CALN1: variants seen among roughly 807,000 people sequenced by gnomAD.
CALN1 encodes calcium-binding protein 8.
A neutral mutation model predicts 30.6 loss-of-function variants in CALN1; 17 were observed. That is an observed-to-expected ratio of 0.56 (90% confidence interval 0.38 to 0.83). CALN1 has a LOEUF of 0.83. Among genes scored for constraint, CALN1 ranks in the 40% least tolerant of loss-of-function variants. The pLI is 0.00. For missense variants in CALN1, 291 were observed against 354.9 expected (o/e 0.82, Z 1.45); for synonymous variants, 156 against 131.4 (o/e 1.19, Z -1.28).
intron 3 of CALN1, among the ~76,000 whole-genome samples, chr7:72,188,960 C>A (rs1415350685): frequency 6.6e-6 from 1 of 152,126 alleles, no homozygotes; most frequent in Non-Finnish European, 1.5e-5. Flanking sequence ...CTAAGAGGGA[C>A]TAAGCCTTCC....
At chr7:72,257,143 A>G (rs1378963331) in intron 3 of CALN1, among the ~76,000 whole-genome samples, 2 of 152,218 alleles carry the variant, frequency 1.3e-5, no homozygotes, top group Admixed American at 1.3e-4. Flanking sequence ...GAGCGTGCAC[A>G]GGGGAAACTG....
the CALN1 span, among the ~76,000 whole-genome samples, chr7:72,456,401 G>C: frequency 6.6e-6 from 1 of 152,054 alleles, no homozygotes; most frequent in Non-Finnish European, 1.5e-5. Context: ...AGCCAAGAAT[G>C]GTGGTACACG....
chr7:72,352,678 A>C (rs1802996238), intron 2 of CALN1, among the ~76,000 whole-genome samples: 1 of 152,160 alleles, frequency 6.6e-6, no homozygotes, highest in African/African-American at 2.4e-5. Context: ...TAAAATGTTT[A>C]CTTTACAAAA....
intron 3 of CALN1, among the ~76,000 whole-genome samples, chr7:72,150,872 T>TATGATGATGATGATGATGATG (rs139046404): frequency 7.5e-4 from 113 of 150,530 alleles, no homozygotes; most frequent in Non-Finnish European, 9.0e-4. Context: ...GCTGTGATGA[T>TATGATGATGATGATGATGATG]ATGATGATGA....
At chr7:72,346,432 T>C (rs1585551006) in intron 2 of CALN1, among the ~76,000 whole-genome samples, 1 of 152,192 alleles carries the variant, frequency 6.6e-6, no homozygotes, top group African/African-American at 2.4e-5. Flanking sequence ...TACTCTTACT[T>C]GTTTCTCCAA....
chr7:72,408,207 T>A (rs1585685160), intron 1 of CALN1, among the ~76,000 whole-genome samples: 1 of 138,966 alleles, frequency 7.2e-6, no homozygotes, highest in Non-Finnish European at 1.5e-5. Flanking sequence ...CCAAGGGGGG[T>A]GGATCACCCA....
chr7:72,455,436 A>G, the CALN1 span, among the ~76,000 whole-genome samples: 1 of 151,412 alleles, frequency 6.6e-6, no homozygotes, highest in Admixed American at 6.6e-5. Context: ...TTTTCTCTCA[A>G]TGAATCCCCT....
At chr7:72,185,648 T>C (rs768356899) in intron 3 of CALN1, among the ~76,000 whole-genome samples, 3 of 152,202 alleles carry the variant, frequency 2.0e-5, no homozygotes, top group Non-Finnish European at 4.4e-5. Flanking sequence ...TCTTGAATTG[T>C]ACTCCCATAA....
At chr7:72,377,490 T>C (rs2129560642) in intron 2 of CALN1, among the ~76,000 whole-genome samples, 1 of 151,232 alleles carries the variant, frequency 6.6e-6, no homozygotes, top group Admixed American at 6.6e-5. Context: ...TGTATTATAA[T>C]TTTTTATTGA....
chr7:72,054,476 CAT>C lies in CALN1; in HGVS notation c.389-30709_389-30708del, dbSNP rs368100346. On this transcript the variant is annotated intron_variant, in intron 4 of 6. Coordinates refer to ENST00000395275, the MANE Select transcript of CALN1 (RefSeq NM_031468.4). ...ATATATACATATATATACATATATACATACATATATATATACATATATACATA... is the reference window on the plus strand; with the variant it reads ...ATATATACATATATATACATATATACACATATATATATACATATATACATA... 5.1e-4 allele frequency among the ~76,000 whole-genome samples: 46 copies of C among 89,604 alleles called. 1 individual carries two copies. The South Asian group carries it at 6.6e-3, about 13-fold the overall frequency. The allele number at this position is 89,604 out of a possible 152,430, so 58.8% of individuals were successfully genotyped here.
intron 3 of CALN1, among the ~76,000 whole-genome samples, chr7:72,223,765 T>C (rs1466391593): frequency 1.3e-5 from 2 of 151,944 alleles, no homozygotes; most frequent in African/African-American, 2.4e-5. Flanking sequence ...AAATCAACAG[T>C]GGATTGGGTA....
chr7:72,359,350 A>G (rs997731768), intron 2 of CALN1, among the ~76,000 whole-genome samples: 2 of 152,156 alleles, frequency 1.3e-5, no homozygotes, highest in Non-Finnish European at 2.9e-5. Flanking sequence ...TTCGTCTTCC[A>G]GATCCTCCGA....
At chr7:72,224,192 T>C (rs1793508695) in intron 3 of CALN1, among the ~76,000 whole-genome samples, 1 of 152,134 alleles carries the variant, frequency 6.6e-6, no homozygotes, top group African/African-American at 2.4e-5. Flanking sequence ...AAAGTTGAAA[T>C]TATTTTTTAA....
chr7:71,872,212 AT>A (rs1433590390), intron 5 of CALN1, among the ~76,000 whole-genome samples: 1 of 152,136 alleles, frequency 6.6e-6, no homozygotes, highest in Admixed American at 6.5e-5. Context: ...TGATTGACTT[AT>A]CCCCATCACT....
intron 4 of CALN1, among the ~76,000 whole-genome samples, chr7:72,029,872 A>G (rs1801326237): frequency 2.0e-5 from 3 of 152,254 alleles, no homozygotes; most frequent in Non-Finnish European, 2.9e-5. Context: ...GAACTGCTCT[A>G]GTAAATGAAT....
intron 5 of CALN1, among the ~76,000 whole-genome samples, chr7:71,917,688 C>T (rs1028650130): frequency 6.6e-6 from 1 of 152,074 alleles, no homozygotes; most frequent in African/African-American, 2.4e-5. Flanking sequence ...GCTTAAAAAA[C>T]CATCAGATCA....
chr7:71,963,654 A>G (rs1219706837), intron 5 of CALN1, among the ~76,000 whole-genome samples: 1 of 152,106 alleles, frequency 6.6e-6, no homozygotes, highest in African/African-American at 2.4e-5. Context: ...CTTGGTCCCC[A>G]AATTCCACTT....
intron 2 of CALN1, among the ~76,000 whole-genome samples, chr7:72,352,227 A>G (rs1383539977): frequency 1.3e-5 from 2 of 151,632 alleles, no homozygotes; most frequent in Admixed American, 6.6e-5. Flanking sequence ...CAACTCTACT[A>G]AAAGTACCAA....
intron 5 of CALN1, among the ~76,000 whole-genome samples, chr7:72,005,695 G>A (rs944977592): frequency 6.6e-6 from 1 of 151,664 alleles, no homozygotes; most frequent in Non-Finnish European, 1.5e-5. Flanking sequence ...GAAGAAAAAC[G>A]CCCACTCCAA....
Sources: allele counts gnomAD v4.1 joint callset (sites outside exome capture counted in the v4.1 genomes callset), GRCh38; gene constraint gnomAD v4.1.1; transcripts MANE v1.5; gene names NCBI Gene and HGNC (gene_info 2026-07-23, HGNC 2026-07-21).